The following AIG1 variants were observed in gnomAD, a reference collection of about 807,000 sequenced individuals.
AIG1 encodes androgen-induced gene 1 protein.
In AIG1, 23 loss-of-function variants were observed where a neutral mutation model predicts 31.4. The ratio of observed to expected loss-of-function variants is 0.73; its 90% CI spans 0.53 to 1.04. The LOEUF is 1.04. AIG1 is among the 50% of genes least tolerant of loss of function. AIG1 has a pLI of 0.00. For missense variants in AIG1, 274 were observed against 295.0 expected (o/e 0.93, Z 0.52); for synonymous variants, 100 against 110.5 (o/e 0.90, Z 0.60).
intron 1 of AIG1, among the ~76,000 whole-genome samples, chr6:143,130,848 A>T (rs550919823): frequency 6.6e-6 from 1 of 152,142 alleles, no homozygotes; most frequent in African/African-American, 2.4e-5. Flanking sequence ...CCCATTAGTT[A>T]TTATTCCTAA....
At chr6:143,138,618 G>A (rs1162301662) in intron 2 of AIG1, among the ~76,000 whole-genome samples, 1 of 152,152 alleles carries the variant, frequency 6.6e-6, no homozygotes, top group Non-Finnish European at 1.5e-5. Context: ...AGTAGGCCAG[G>A]CGCAGTGGCT....
chr6:143,329,525 C>A lies in AIG1; in HGVS notation c.516-3757C>A, dbSNP rs1214295100. On this transcript the variant is annotated intron_variant, in intron 4 of 5. Transcript: ENST00000357847. This position sits in a 1 kb window ranked among gnomAD's most constrained non-coding sequence, Gnocchi z 4.9. The stretch of plus-strand genomic sequence containing the variant: ...TATACCCTATAAGCTCTGATTCATA[C>A]AATAGTACGATGAGAATGCCATGCT... Among the ~76,000 whole-genome samples the A allele has an allele frequency of 6.6e-6, 1 of 152,152 alleles. No individual in the cohort carries two copies. The highest frequency in any genetic ancestry group is 2.1e-4 in the South Asian group (1 of 4,818).
At chr6:143,165,795 A>T (rs1217114378) in intron 3 of AIG1, among the ~76,000 whole-genome samples, 1 of 152,126 alleles carries the variant, frequency 6.6e-6, no homozygotes, top group African/African-American at 2.4e-5. Context: ...TTTAGCCATG[A>T]TGTTGCCCTC....
intron 3 of AIG1, among the ~76,000 whole-genome samples, chr6:143,182,600 A>G (rs1444071138): frequency 1.3e-5 from 2 of 152,054 alleles, no homozygotes; most frequent in Non-Finnish European, 2.9e-5. Flanking sequence ...GAAATCCCCT[A>G]ACCCTGCTCC....
chr6:143,293,777 C>A lies in AIG1; in HGVS notation c.515+9552C>A, dbSNP rs11753058. ...TTTTATGTGGTTATGATCCTTCCCC[C>A]ACTCCCCAGCTTCCCTACAGCCATG... is the stretch of plus-strand genomic sequence containing the variant. On this transcript the variant is annotated intron_variant, in intron 4 of 5. Coordinates refer to ENST00000357847, the MANE Select transcript of AIG1 (RefSeq NM_016108.4). The surrounding 1 kb of genome is among the most constrained non-coding windows in gnomAD (Gnocchi z 4.8). Among the ~76,000 whole-genome samples, 1 of 151,804 alleles carries A rather than the reference C, an allele frequency of 6.6e-6. No homozygotes were observed. The highest frequency in any genetic ancestry group is 2.4e-5 in the African/African-American group (1 of 41,262).
chr6:143,192,411 C>G (rs1269118526), intron 3 of AIG1, among the ~76,000 whole-genome samples: 6 of 152,106 alleles, frequency 3.9e-5, no homozygotes, highest in African/African-American at 1.4e-4. Context: ...TCAAGCCCAG[C>G]CTGGCCAACA....
chr6:143,327,709 A>G lies in AIG1; in HGVS notation c.516-5573A>G. 5.9e-6 allele frequency: 1 copy of G among 170,494 alleles called. No homozygotes were observed. The highest frequency in any genetic ancestry group is 1.2e-5 in the Non-Finnish European group (1 of 80,950). 10.6% of individuals were successfully genotyped at this position (170,494 alleles called of 1,614,324 possible). On this transcript the variant is annotated intron_variant, in intron 4 of 5. Coordinates refer to ENST00000357847, the MANE Select transcript of AIG1 (RefSeq NM_016108.4). This position sits in a 1 kb window ranked among gnomAD's most constrained non-coding sequence, Gnocchi z 5.3. Reference sequence around the variant, plus strand: ...GTTATAAAATTGTAAAAAAAAAAAAAAGATAATGGATTAACTAAATGTGAT... The same window carrying G: ...GTTATAAAATTGTAAAAAAAAAAAAGAGATAATGGATTAACTAAATGTGAT...
intron 1 of AIG1, among the ~76,000 whole-genome samples, chr6:143,122,475 AT>A (rs1782321912): frequency 6.6e-6 from 1 of 152,162 alleles, no homozygotes; most frequent in African/African-American, 2.4e-5. Flanking sequence ...CATTGTTTAT[AT>A]TTCTGTTGAT....
intron 3 of AIG1, among the ~76,000 whole-genome samples, chr6:143,267,055 CT>C (rs1796206450): frequency 6.6e-6 from 1 of 152,210 alleles, no homozygotes; most frequent in Non-Finnish European, 1.5e-5. Flanking sequence ...CTCTCTCTTT[CT>C]TTTCCCTTTC....
rs546815009 is a variant in AIG1, at chr6:143,330,721, A to C, written c.516-2561A>C. ...ACACCCTGTAGCACAGACTGATTAA[A>C]ATTTTATAAGTTGATTTGCAACATC... On this transcript the variant is annotated intron_variant, in intron 4 of 5. Transcript: ENST00000357847. This position sits in a 1 kb window ranked among gnomAD's most constrained non-coding sequence, Gnocchi z 4.4. 2.6e-4 allele frequency among the ~76,000 whole-genome samples: 39 copies of C among 152,282 alleles called. 1 individual carries two copies. Among genetic ancestry groups the C allele is most frequent in the African/African-American group, 8.9e-4 (37 of 41,548 alleles).
intron 1 of AIG1, among the ~76,000 whole-genome samples, chr6:143,087,500 C>T (rs1172270645): frequency 2.6e-5 from 4 of 152,188 alleles, no homozygotes; most frequent in African/African-American, 9.7e-5. Context: ...ACGCCTCACT[C>T]GATCAGGAGT....
At chr6:143,136,121 C>T (rs966531002) in intron 1 of AIG1, among the ~76,000 whole-genome samples, 8 of 151,668 alleles carry the variant, frequency 5.3e-5, no homozygotes, top group South Asian at 4.2e-4. Context: ...TTTGGGGGGG[C>T]GGTTAGAGAA....
chr6:143,200,815 C>T (rs1248431853), intron 3 of AIG1, among the ~76,000 whole-genome samples: 1 of 152,114 alleles, frequency 6.6e-6, no homozygotes, highest in African/African-American at 2.4e-5. Flanking sequence ...TGGACTCTGC[C>T]TCTCTTCCTA....
chr6:143,066,209 G>C (rs769007771), intron 1 of AIG1, among the ~76,000 whole-genome samples: 21 of 152,018 alleles, frequency 1.4e-4, no homozygotes, highest in Non-Finnish European at 3.1e-4. Flanking sequence ...AAGTTGCATT[G>C]TTTTTTCATT....
At chr6:143,088,946 C>T (rs958505527) in intron 1 of AIG1, among the ~76,000 whole-genome samples, 1 of 152,168 alleles carries the variant, frequency 6.6e-6, no homozygotes, top group Non-Finnish European at 1.5e-5. Flanking sequence ...CATGGTGCCT[C>T]ATGCCTGTAA....
At chr6:143,228,807 C>T (rs1446636296) in intron 3 of AIG1, among the ~76,000 whole-genome samples, 3 of 152,122 alleles carry the variant, frequency 2.0e-5, no homozygotes, top group African/African-American at 4.8e-5. Flanking sequence ...GTGTGGAGCT[C>T]GCTTTTAAAA....
chr6:143,151,671 T>C (rs1294796964), intron 2 of AIG1, among the ~76,000 whole-genome samples: 1 of 152,182 alleles, frequency 6.6e-6, no homozygotes, highest in Admixed American at 6.5e-5. Context: ...GTAAGTGAAC[T>C]TATGCTAACG....
At chr6:143,232,764 G>T (rs1793532989) in intron 3 of AIG1, among the ~76,000 whole-genome samples, 1 of 152,056 alleles carries the variant, frequency 6.6e-6, no homozygotes, top group African/African-American at 2.4e-5. Flanking sequence ...ACTTCACAGG[G>T]TCCTTTCTTC....
chr6:143,195,687 G>A (rs928447805), intron 3 of AIG1, among the ~76,000 whole-genome samples: 3 of 152,010 alleles, frequency 2.0e-5, no homozygotes, highest in Non-Finnish European at 4.4e-5. Context: ...CAGGGAGGGA[G>A]AATATCTTAG....
Sources: gnomAD v4.1 joint callset for allele counts (sites outside exome capture counted in the v4.1 genomes callset) on GRCh38, gnomAD v4.1.1 for gene constraint, Gnocchi (gnomAD v3.1) non-coding constraint, MANE v1.5 for transcripts, NCBI Gene and HGNC (gene_info 2026-07-23, HGNC 2026-07-21) for gene names.